Variants in ALMS1 observed in about 807,000 individuals in gnomAD.
ALMS1 encodes the protein centrosome-associated protein ALMS1.
Under a neutral mutation model 352.2 loss-of-function variants are expected in ALMS1, and 271 were observed. That is an observed-to-expected ratio of 0.77 (90% confidence interval 0.70 to 0.85). ALMS1 has a LOEUF of 0.85. Ranked by LOEUF, ALMS1 falls within the 40% of genes least tolerant of loss-of-function variation. ALMS1 has a pLI of 0.00. For synonymous variants in ALMS1, 1,865 were observed against 1,761.2 expected, an observed-to-expected ratio of 1.06 and a Z score of -1.48; for missense variants, 5,445 against 4,870.7, an observed-to-expected ratio of 1.12 and a Z score of -3.51.
intron 16 of ALMS1, among the ~76,000 whole-genome samples, chr2:73,595,499 T>G (rs1675528746): frequency 6.6e-6 from 1 of 152,242 alleles, no homozygotes. Context: ...TGCTGAATAG[T>G]GTTCCATTTT....
At chr2:73,421,855 T>C (rs1449687522) in intron 3 of ALMS1, among the ~76,000 whole-genome samples, 1 of 151,942 alleles carries the variant, frequency 6.6e-6, no homozygotes, top group East Asian at 1.9e-4. Flanking sequence ...GAGAGAGGAG[T>C]CCTCACTTTG....
intron 7 of ALMS1, among the ~76,000 whole-genome samples, chr2:73,433,729 G>C (rs1463480855): frequency 6.6e-6 from 1 of 152,120 alleles, no homozygotes. Context: ...AGAATTTACT[G>C]TGAAACTACC....
At chr2:73,542,376 A>G (rs1275675654) in intron 12 of ALMS1, among the ~76,000 whole-genome samples, 1 of 152,212 alleles carries the variant, frequency 6.6e-6, no homozygotes, top group Non-Finnish European at 1.5e-5. Flanking sequence ...TCTCAAAATA[A>G]TAAGAGCTAT....
At chr2:73,544,688 G>A (rs542989392) in intron 12 of ALMS1, among the ~76,000 whole-genome samples, 12 of 152,194 alleles carry the variant, frequency 7.9e-5, no homozygotes, top group Middle Eastern at 3.4e-3. Flanking sequence ...GTATGATCCA[G>A]TAATTCCACT....
Position 73,539,915 on chromosome 2 carries a change from G to A in ALMS1, c.9907+4966G>A, listed in dbSNP as rs534915230. Among the ~76,000 whole-genome samples the A allele has an allele frequency of 6.6e-5, 10 of 152,258 alleles. No homozygotes were observed. In the East Asian group the frequency reaches 7.7e-4, roughly 12 times the overall value. ...TCTGATTGGTGTACTTGAAAGTGAC[G>A]GGGAGAATGGAACCAAGTTGGAAAA... On this transcript the variant is annotated intron_variant, in intron 12 of 22. Coordinates refer to ENST00000613296, the MANE Select transcript of ALMS1 (RefSeq NM_001378454.1).
chr2:73,404,724 T>G (rs1670938942), intron 1 of ALMS1, among the ~76,000 whole-genome samples: 3 of 151,892 alleles, frequency 2.0e-5, no homozygotes, highest in Admixed American at 2.0e-4. Flanking sequence ...GGGATACTGG[T>G]TTATAGTCTT....
chr2:73,455,537 G>A (rs531572750), intron 9 of ALMS1, among the ~76,000 whole-genome samples: 1 of 152,246 alleles, frequency 6.6e-6, no homozygotes, highest in African/African-American at 2.4e-5. Context: ...TCAGGTAGCT[G>A]GGACCACATG....
At chr2:73,417,388 A>C (rs1275826644) in intron 2 of ALMS1, among the ~76,000 whole-genome samples, 1 of 152,232 alleles carries the variant, frequency 6.6e-6, no homozygotes, top group Non-Finnish European at 1.5e-5. Context: ...ATTTTTAAAG[A>C]AAATTGAAGT....
At chr2:73,543,057 C>A (rs1445700906) in intron 12 of ALMS1, among the ~76,000 whole-genome samples, 1 of 151,876 alleles carries the variant, frequency 6.6e-6, no homozygotes, top group African/African-American at 2.4e-5. Flanking sequence ...TGCATCGCCA[C>A]GTCAATCCTA....
chr2:73,573,663 C>T, intron 16 of ALMS1: 1 of 632,118 alleles, frequency 1.6e-6, no homozygotes, highest in Non-Finnish European at 2.8e-6. Flanking sequence ...AGATCCTTCA[C>T]AGTCTGCAAA....
intron 16 of ALMS1, among the ~76,000 whole-genome samples, chr2:73,593,662 A>G (rs1324821239): frequency 2.0e-5 from 3 of 152,214 alleles, no homozygotes; most frequent in Non-Finnish European, 2.9e-5. Flanking sequence ...GAATTGTGCA[A>G]CCATCACCGT....
chr2:73,584,614 T>G (rs1383429828), intron 16 of ALMS1, among the ~76,000 whole-genome samples: 1 of 152,256 alleles, frequency 6.6e-6, no homozygotes, highest in Non-Finnish European at 1.5e-5. Flanking sequence ...ATGTTTCATA[T>G]GCTTGCTTGC....
chr2:73,547,960 G>A (rs947953661), intron 12 of ALMS1, among the ~76,000 whole-genome samples: 84 of 152,280 alleles, frequency 5.5e-4, no homozygotes, highest in African/African-American at 2.0e-3. Flanking sequence ...TAGGAGTATG[G>A]AGAGTGAGGG....
intron 15 of ALMS1, 108 bp from the exon 16 acceptor site, chr2:73,572,154 T>A (rs1674941933): frequency 1.0e-6 from 1 of 966,220 alleles, no homozygotes; most frequent in African/African-American, 1.7e-5. Context: ...TTATATAAAC[T>A]ATTCTTTCCT....
chr2:73,452,049 C>A lies in ALMS1; in HGVS notation c.5522C>A (p.Thr1841Asn). 2 of 1,614,084 alleles carry A rather than the reference C, an allele frequency of 1.2e-6. No homozygotes were observed. Among genetic ancestry groups the A allele is most frequent in the Non-Finnish European group, 1.7e-6 (2 of 1,179,994 alleles). ...LRVPGPADQK[T>N]GINILPSNSY... The stretch of plus-strand genomic sequence containing the variant: ...GTTCCTGGACCAGCTGACCAGAAGA[C>A]TGGAATAAACATCCTGCCCTCTAAT... The change falls in exon 8 of 23, where the codon ACT (threonine) becomes AAT (asparagine). Residue 1841 changes from threonine (T) to asparagine (N), a missense_variant. Thr to Asn is a moderately conservative substitution (Grantham distance 65). Transcript: ENST00000613296.
At chr2:73,480,321 G>A (rs925875035) in intron 9 of ALMS1, among the ~76,000 whole-genome samples, 44 of 151,844 alleles carry the variant, frequency 2.9e-4, no homozygotes, top group Non-Finnish European at 5.7e-4. Flanking sequence ...GTGAGAATAT[G>A]CGGTGTTTGC....
At chr2:73,421,451 GTTACGGAGGT>G in intron 3 of ALMS1, among the ~76,000 whole-genome samples, 1 of 152,282 alleles carries the variant, frequency 6.6e-6, no homozygotes, top group African/African-American at 2.4e-5. Context: ...GTGAAGGACT[GTTACGGAGGT>G]TTAAGACTGC....
chr2:73,452,564 G>T lies in ALMS1; in HGVS notation c.6037G>T (p.Ala2013Ser), dbSNP rs1057524884. 3 of 1,613,900 alleles carry T rather than the reference G, an allele frequency of 1.9e-6. No individual in the cohort carries two copies. Among genetic ancestry groups the T allele is most frequent in the Non-Finnish European group, 2.5e-6 (3 of 1,179,996 alleles). Residue 2013 changes from alanine (A) to serine (S), a missense_variant, in exon 8 of 23, where the codon GCA (alanine) becomes TCA (serine). Physicochemically the swap from Ala to Ser is moderately conservative, Grantham distance 99 (BLOSUM62 1). Transcript: ENST00000613296. ...AGATGACCAGAAAACTGAGTTTCCA[G>T]CAGCTACCCTTAGTTCCTACTCACA... is the stretch of plus-strand genomic sequence containing the variant. ...IPDDQKTEFPAATLSSYSQIE... is the reference protein window; with the variant it reads ...IPDDQKTEFPSATLSSYSQIE...
At chr2:73,402,286 T>C (rs1670889223) in intron 1 of ALMS1, among the ~76,000 whole-genome samples, 1 of 149,150 alleles carries the variant, frequency 6.7e-6, no homozygotes, top group Non-Finnish European at 1.5e-5. Flanking sequence ...TTTTTTTTTT[T>C]TTTTTAAGAC....
Sources: gnomAD v4.1 joint callset for allele counts (sites outside exome capture counted in the v4.1 genomes callset) on GRCh38, gnomAD v4.1.1 for gene constraint, MANE v1.5 for transcripts, NCBI Gene and HGNC (gene_info 2026-07-23, HGNC 2026-07-21) for gene names.